Variants in SREK1 observed in about 807,000 individuals in gnomAD.
SREK1 encodes splicing regulatory glutamic acid and lysine rich protein 1.
Under a neutral mutation model 66.5 loss-of-function variants are expected in SREK1, and 13 were observed. The ratio of observed to expected loss-of-function variants is 0.20; its 90% confidence interval spans 0.13 to 0.31. The LOEUF is 0.31. Ranked by LOEUF, SREK1 falls within the 10% of genes least tolerant of loss-of-function variation. The probability of loss-of-function intolerance (pLI) is 1.00; values close to 1 mark genes in which losing one functional copy is unlikely to be tolerated. For missense variants in SREK1, 607 were observed against 769.6 expected, an observed-to-expected ratio of 0.79 and a Z score of 2.50; for synonymous variants, 265 against 263.5, an observed-to-expected ratio of 1.01 and a Z score of -0.05.
At chr5:66,168,384 A>G (rs1446210603) in intron 7 of SREK1, 1 of 151,992 alleles carries the variant, frequency 6.6e-6, no homozygotes, top group Non-Finnish European at 1.5e-5. Flanking sequence ...TTTTTTTGCG[A>G]TAGAATCTTG....
chr5:66,164,477 A>T, intron 6 of SREK1: 1 of 887,792 alleles, frequency 1.1e-6, no homozygotes, highest in Non-Finnish European at 1.6e-6. Context: ...AAATTCTAGC[A>T]GAATAAGTGG....
intron 1 of SREK1, among the ~76,000 whole-genome samples, chr5:66,147,045 C>T (rs1029900356): frequency 1.3e-5 from 2 of 151,786 alleles, no homozygotes; most frequent in African/African-American, 4.8e-5. Context: ...ATATTGAGAC[C>T]CCTATCTCTT....
chr5:66,145,014 A>G (rs996746867), intron 1 of SREK1: 171 of 986,568 alleles, frequency 1.7e-4, no homozygotes, highest in Non-Finnish European at 1.9e-4. Context: ...TGGTGACAAG[A>G]TGGAACTGGG....
At chr5:66,146,125 G>A (rs1042881327) in intron 1 of SREK1, among the ~76,000 whole-genome samples, 10 of 151,938 alleles carry the variant, frequency 6.6e-5, no homozygotes, top group African/African-American at 2.4e-4. Flanking sequence ...TTAACTTTTG[G>A]AAATGCTTTC....
chr5:66,175,157 CATT>C, intron 10 of SREK1, 116 bp downstream of exon 10: 1 of 780,578 alleles, frequency 1.3e-6, no homozygotes. Flanking sequence ...AATACATATG[CATT>C]ATTCAGAAAT....
chr5:66,175,608 G>A (rs1190090592), intron 10 of SREK1, among the ~76,000 whole-genome samples: 1 of 152,086 alleles, frequency 6.6e-6, no homozygotes. Flanking sequence ...TCAAGAAATG[G>A]CATTGTTAAG....
At position 66,181,912 on chromosome 5, in the gene SREK1, G is replaced by GT. The variant is rs1554079239; in HGVS notation, c.*3044_*3045insT. 9.1e-6 allele frequency: 1 copy of GT among 109,710 alleles called. No homozygotes were observed. Among genetic ancestry groups the GT allele is most frequent in the Non-Finnish European group, 2.0e-5 (1 of 51,196 alleles). 6.8% of individuals were successfully genotyped at this position (109,710 alleles called of 1,614,324 possible). A position where few individuals can be genotyped will look rare whatever the true frequency, so the allele number is the denominator to read the frequency against. On this transcript the variant is annotated 3_prime_UTR_variant, in exon 12 of 12. Coordinates refer to ENST00000334121, the MANE Select transcript of SREK1 (RefSeq NM_001077199.3). Reference sequence around the variant, plus strand: ...AAGGTTTTTTTGTCGGGGGGGGGGGGGTCAAGAGAATTTATTTTGTGATAG... The same window carrying GT: ...AAGGTTTTTTTGTCGGGGGGGGGGGGTGTCAAGAGAATTTATTTTGTGATAG...
intron 6 of SREK1, 150 bp downstream of exon 6, chr5:66,164,072 C>CA (rs1744974596): frequency 1.1e-6 from 1 of 906,902 alleles, no homozygotes; most frequent in African/African-American, 1.7e-5. Flanking sequence ...ATACTCATGT[C>CA]AAAGAACAAC....
At position 66,180,438 on chromosome 5, in the gene SREK1, A is replaced by G. The variant is rs1288942469; in HGVS notation, c.*1570A>G. 6.6e-6 allele frequency: 1 copy of G among 152,598 alleles called. No individual in the cohort carries two copies. The highest frequency in any genetic ancestry group is 1.9e-4 in the East Asian group (1 of 5,200). The allele number at this position is 152,598 out of a possible 1,614,324, so 9.5% of individuals were successfully genotyped here. A position where few individuals can be genotyped will look rare whatever the true frequency, so the allele number is the denominator to read the frequency against. On this transcript the variant is annotated 3_prime_UTR_variant, in exon 12 of 12. Coordinates refer to ENST00000334121, the MANE Select transcript of SREK1 (RefSeq NM_001077199.3). ...TTTTAGATCTAAAAAGCTGAATAGCATGTTAGTTACTTGGTTTCAACTTGA... is the reference window on the plus strand; with the variant it reads ...TTTTAGATCTAAAAAGCTGAATAGCGTGTTAGTTACTTGGTTTCAACTTGA...
chr5:66,164,424 A>G (rs1013468981), intron 6 of SREK1: 15 of 488,624 alleles, frequency 3.1e-5, no homozygotes, highest in African/African-American at 2.6e-4. Context: ...GGTGGTTTAC[A>G]TTTGAGCAGA....
chr5:66,173,493 G>C (rs756025029), intron 9 of SREK1, among the ~76,000 whole-genome samples: 1 of 152,172 alleles, frequency 6.6e-6, no homozygotes, highest in Non-Finnish European at 1.5e-5. Context: ...ATTAGGTTAA[G>C]TAATATGATC....
chr5:66,166,380 T>C (rs1476743781), intron 7 of SREK1: 2 of 152,220 alleles, frequency 1.3e-5, no homozygotes, highest in Admixed American at 6.5e-5. Flanking sequence ...TCTTTGATCA[T>C]CTAAGTGAAG....
In SREK1 at chr5:66,181,014, T is replaced by C. The variant is rs1010826571; in HGVS notation, c.*2146T>C. On this transcript the variant is annotated 3_prime_UTR_variant, in exon 12 of 12. Transcript: ENST00000334121. Reference sequence around the variant, plus strand: ...TCTATAAAACAAGTCATTTAAAGTATGAGTGTTTTCTTGTACTCTGGACCT... The same window carrying C: ...TCTATAAAACAAGTCATTTAAAGTACGAGTGTTTTCTTGTACTCTGGACCT... The C allele has an allele frequency of 6.6e-6, 1 of 152,248 alleles. No homozygotes were observed. Among genetic ancestry groups the C allele is most frequent in the African/African-American group, 2.4e-5 (1 of 41,470 alleles). The allele number at this position is 152,248 out of a possible 1,614,324, so 9.4% of individuals were successfully genotyped here.
In SREK1 at chr5:66,180,410, C is replaced by CT. The variant is rs1746402559; in HGVS notation, c.*1548dup. On this transcript the variant is annotated 3_prime_UTR_variant, in exon 12 of 12. Transcript: ENST00000334121. ...TTGCCTTACCTCATGGGAAGAGTTA[C>CT]TTTTTTAGATCTAAAAAGCTGAATA... is the stretch of plus-strand genomic sequence containing the variant. The CT allele has an allele frequency of 6.6e-6, 1 of 152,486 alleles. No homozygotes were observed. The highest frequency in any genetic ancestry group is 6.6e-5 in the Admixed American group (1 of 15,252). 9.4% of individuals were successfully genotyped at this position (152,486 alleles called of 1,614,324 possible). A position where few individuals can be genotyped will look rare whatever the true frequency, so the allele number is the denominator to read the frequency against.
At chr5:66,155,990 A>G (rs1366648008) in intron 2 of SREK1, 33 of 1,531,120 alleles carry the variant, frequency 2.2e-5, no homozygotes, top group Admixed American at 6.0e-5. Context: ...TTATGTCCAC[A>G]TTTTCTGGTA....
chr5:66,147,897 T>C (rs1274812336), intron 1 of SREK1, among the ~76,000 whole-genome samples: 1 of 150,762 alleles, frequency 6.6e-6, no homozygotes, highest in South Asian at 2.1e-4. Flanking sequence ...CACACTGTTA[T>C]TTTACTTTTT....
intron 7 of SREK1, chr5:66,169,408 A>G (rs1745442658): frequency 2.6e-5 from 4 of 152,002 alleles, no homozygotes; most frequent in Admixed American, 6.6e-5. Flanking sequence ...GGGATGCTCA[A>G]CCAGTTTTAT....
At chr5:66,148,540 C>T (rs556433062) in intron 1 of SREK1, among the ~76,000 whole-genome samples, 3 of 152,106 alleles carry the variant, frequency 2.0e-5, no homozygotes, top group African/African-American at 7.2e-5. Flanking sequence ...AAAACCAAAA[C>T]TTTAAGTCAA....
chr5:66,157,406 ACT>A (rs1228266963), intron 2 of SREK1: 4 of 984,534 alleles, frequency 4.1e-6, no homozygotes, highest in Non-Finnish European at 4.8e-6. Flanking sequence ...CTAGATTAGA[ACT>A]CTGAGTTTCC....
Sources: gnomAD v4.1 joint callset for allele counts (sites outside exome capture counted in the v4.1 genomes callset) on GRCh38, gnomAD v4.1.1 for gene constraint, MANE v1.5 for transcripts, NCBI Gene and HGNC (gene_info 2026-07-23, HGNC 2026-07-21) for gene names.